Variants in PIP5K1C observed in about 807,000 individuals in gnomAD.
PIP5K1C encodes phosphatidylinositol-4-phosphate 5-kinase type 1 gamma, also known as phosphatidylinositol 4-phosphate 5-kinase type-1 gamma.
PIP5K1C carries 45 observed loss-of-function variants against 80.1 expected under a neutral mutation model. The ratio of observed to expected loss-of-function variants is 0.56; its 90% confidence interval spans 0.44 to 0.72. The LOEUF (loss-of-function observed/expected upper bound fraction) is 0.72. Among genes scored for constraint, PIP5K1C ranks in the 30% least tolerant of loss-of-function variants. The pLI, the probability that PIP5K1C is intolerant of heterozygous loss-of-function variation, is 0.00. For missense variants in PIP5K1C, 753 were observed against 954.6 expected (o/e 0.79, Z 2.78); for synonymous variants, 498 against 420.1 (o/e 1.19, Z -2.27).
At chr19:3,649,047 A>T (rs2034355724) in intron 8 of PIP5K1C, among the ~76,000 whole-genome samples, 1 of 147,648 alleles carries the variant, frequency 6.8e-6, no homozygotes, top group African/African-American at 2.6e-5. Context: ...TGGGGAGTTA[A>T]TTGTCACCCG....
rs551161049 is a variant in PIP5K1C at position 3,699,900 on chromosome 19, C to G, written c.94+397G>C. Among the ~76,000 whole-genome samples, 31 of 152,320 alleles carry G rather than the reference C, an allele frequency of 2.0e-4. 1 individual carries two copies. The South Asian group carries it at 6.4e-3, about 32-fold the overall frequency. ...GGAAGGTGAGGAAAGGTCGCGCACC[C>G]GGACTCAGGTCTGGGGACTTACAGA... On this transcript the variant is annotated intron_variant, in intron 1 of 17. Transcript: ENST00000335312.
intron 12 of PIP5K1C, among the ~76,000 whole-genome samples, 186 bp from the exon 13 acceptor site, chr19:3,643,567 C>G (rs1298991849): frequency 1.3e-5 from 2 of 152,112 alleles, no homozygotes; most frequent in Non-Finnish European, 2.9e-5. Flanking sequence ...CTTCTGACCG[C>G]TCTCAAAATA....
intron 5 of PIP5K1C, among the ~76,000 whole-genome samples, chr19:3,658,803 A>G (rs1030887254): frequency 1.3e-5 from 2 of 152,228 alleles, no homozygotes; most frequent in African/African-American, 4.8e-5. Context: ...CTGAAGCCAC[A>G]TGACTAATGG....
intron 2 of PIP5K1C, among the ~76,000 whole-genome samples, chr19:3,666,773 A>C (rs2035025995): frequency 6.6e-6 from 1 of 151,728 alleles, no homozygotes; most frequent in Non-Finnish European, 1.5e-5. Context: ...ACACGCACGC[A>C]GGCAAACATG....
chr19:3,638,372 C>T (rs1031600169), intron 16 of PIP5K1C, among the ~76,000 whole-genome samples: 3 of 152,172 alleles, frequency 2.0e-5, no homozygotes, highest in African/African-American at 7.2e-5. Context: ...TGAAGCCCTC[C>T]TGCCACTGCC....
Position 3,648,803 on chromosome 19 carries a change from C to T in PIP5K1C, c.1128-95G>A. 3.8e-6 allele frequency: 4 copies of T among 1,060,390 alleles called. No homozygotes were observed. The highest frequency in any genetic ancestry group is 5.8e-6 in the Non-Finnish European group (4 of 693,324). The allele number at this position is 1,060,390 out of a possible 1,614,324, so 65.7% of individuals were successfully genotyped here. On this transcript the variant is annotated intron_variant, in intron 8 of 17. Coordinates refer to ENST00000335312, the MANE Select transcript of PIP5K1C (RefSeq NM_012398.3). The surrounding 1 kb of genome is among the most constrained non-coding windows in gnomAD (Gnocchi z 4.3). ...ACTCCAGGGCTAGGGAGTCCATCTGCTCCTGTGGGTGGCAACTTGGCCAAG... is the reference window on the plus strand; with the variant it reads ...ACTCCAGGGCTAGGGAGTCCATCTGTTCCTGTGGGTGGCAACTTGGCCAAG...
At chr19:3,680,598 G>A (rs1311055161) in intron 1 of PIP5K1C, among the ~76,000 whole-genome samples, 6 of 152,190 alleles carry the variant, frequency 3.9e-5, no homozygotes, top group Non-Finnish European at 7.3e-5. Flanking sequence ...CACCGCGCCC[G>A]GACTGTCTAA....
chr19:3,663,338 T>G (rs2034901065), intron 3 of PIP5K1C, among the ~76,000 whole-genome samples: 2 of 151,756 alleles, frequency 1.3e-5, no homozygotes, highest in African/African-American at 4.8e-5. Context: ...GAGTTGGGAG[T>G]TGGTTTCTGC....
chr19:3,700,309 C>T lies in PIP5K1C; in HGVS notation c.82G>A (p.Gly28Arg), dbSNP rs759129068. ...PSEAAWAAESGAAAGLAQKKA... is the reference protein window; with the variant it reads ...PSEAAWAAESRAAAGLAQKKA... ...GCCGGGCCGTTACCTGCCGCCGCCCCGCTCTCTGCCGCCCACGCCGCCTCC... is the reference window on the plus strand; with the variant it reads ...GCCGGGCCGTTACCTGCCGCCGCCCTGCTCTCTGCCGCCCACGCCGCCTCC... The change falls in exon 1 of 18, where the codon GGG becomes AGG. Residue 28 changes from glycine to arginine, a missense_variant. Physicochemically the swap from Gly to Arg is moderately radical, Grantham distance 125. Around this residue, in one of 6 missense-constraint regions of PIP5K1C, gnomAD observed 78 missense variants for 67.1 expected, o/e 1.16. Transcript: ENST00000335312. The T allele has an allele frequency of 3.1e-5, 40 of 1,286,168 alleles. 1 individual carries two copies. The South Asian group carries it at 5.6e-4, about 18-fold the overall frequency. The allele number at this position is 1,286,168 out of a possible 1,614,324, so 79.7% of individuals were successfully genotyped here. A position where few individuals can be genotyped will look rare whatever the true frequency, so the allele number is the denominator to read the frequency against.
rs572343882 is a variant in PIP5K1C at position 3,662,794 on chromosome 19, G to T, written c.220-793C>A. On this transcript the variant is annotated intron_variant, in intron 3 of 17. Transcript: ENST00000335312. Reference sequence around the variant, plus strand: ...TTGGCCAGGCTGGTCTCGAACTCCTGACCTCAGCTAATCCACCTGCCTGGG... The same window carrying T: ...TTGGCCAGGCTGGTCTCGAACTCCTTACCTCAGCTAATCCACCTGCCTGGG... 2.6e-5 allele frequency among the ~76,000 whole-genome samples: 4 copies of T among 152,110 alleles called. No individual in the cohort carries two copies. In the East Asian group the frequency reaches 5.8e-4, roughly 22 times the overall value.
chr19:3,665,446 T>C (rs903077879), intron 2 of PIP5K1C, among the ~76,000 whole-genome samples: 2 of 150,862 alleles, frequency 1.3e-5, no homozygotes, highest in African/African-American at 4.9e-5. Flanking sequence ...CTCAGTAAAG[T>C]GGGTATTTTT....
intron 14 of PIP5K1C, among the ~76,000 whole-genome samples, chr19:3,642,685 A>G (rs966102040): frequency 6.6e-6 from 1 of 152,186 alleles, no homozygotes; most frequent in South Asian, 2.1e-4. Context: ...AGAAGAAGAA[A>G]TAAGGAAGGA....
intron 7 of PIP5K1C, among the ~76,000 whole-genome samples, chr19:3,652,596 G>A (rs1025258236): frequency 3.9e-5 from 6 of 152,026 alleles, no homozygotes; most frequent in African/African-American, 1.5e-4. Flanking sequence ...TCCATGCCTC[G>A]AAGCTGCCGG....
At chr19:3,647,664 C>T (rs1370562535) in intron 9 of PIP5K1C, among the ~76,000 whole-genome samples, 1 of 152,192 alleles carries the variant, frequency 6.6e-6, no homozygotes, top group Non-Finnish European at 1.5e-5. Context: ...TCTAGAGCCC[C>T]AGCTGAGCAC....
At chr19:3,645,734 C>A (rs766824027) in intron 11 of PIP5K1C, among the ~76,000 whole-genome samples, 2 of 152,246 alleles carry the variant, frequency 1.3e-5, no homozygotes, top group Non-Finnish European at 2.9e-5. Context: ...ATGGGCAGGA[C>A]GAGGCCAGGC....
In PIP5K1C at chr19:3,653,604, G is replaced by A; in HGVS notation, c.622-15C>T. The A allele has an allele frequency of 6.2e-7, 1 of 1,601,504 alleles. No individual in the cohort carries two copies. Among genetic ancestry groups the A allele is most frequent in the South Asian group, 1.1e-5 (1 of 90,584 alleles). On this transcript the variant is annotated splice_polypyrimidine_tract_variant and intron_variant, in intron 6 of 17. Transcript: ENST00000335312. ...TGGTTGAGGTTCTGCCGGGGGAAGA[G>A]GGCAAGTCGTGGAGGGCGGCTGGGC... is the stretch of plus-strand genomic sequence containing the variant.
At chr19:3,665,849 G>A (rs994423766) in intron 2 of PIP5K1C, among the ~76,000 whole-genome samples, 16 of 152,210 alleles carry the variant, frequency 1.1e-4, no homozygotes, top group South Asian at 2.1e-4. Flanking sequence ...GCCTGGCACC[G>A]TCATTTAAGG....
intron 1 of PIP5K1C, among the ~76,000 whole-genome samples, chr19:3,670,128 C>T (rs1374975754): frequency 2.0e-5 from 3 of 151,052 alleles, no homozygotes; most frequent in Admixed American, 1.3e-4. Flanking sequence ...GGTCAGGAGC[C>T]TCTGCAGGCG....
chr19:3,656,551 G>A lies in PIP5K1C; in HGVS notation c.475C>T (p.Leu159=), dbSNP rs1226617349. The part of the protein sequence containing the change: ...GIRPDDYLYS[L]CNEPLIELSN... ...AGCTCGATCAGCGGCTCATTGCACA[G>A]GGAGTACTGGAAGCAGAGGAGGCGG... Residue 159 remains leucine, a synonymous_variant, in exon 6 of 18, where the codon CTG becomes TTG. Transcript: ENST00000335312. 1.1e-5 allele frequency: 18 copies of A among 1,613,512 alleles called. No individual in the cohort carries two copies. The Admixed American group carries it at 2.8e-4, about 25-fold the overall frequency.
Sources: allele counts gnomAD v4.1 joint callset (sites outside exome capture counted in the v4.1 genomes callset), GRCh38; gene constraint gnomAD v4.1.1; regional missense constraint gnomAD v4.1.1; non-coding constraint Gnocchi (gnomAD v3.1); transcripts MANE v1.5; gene names NCBI Gene and HGNC (gene_info 2026-07-23, HGNC 2026-07-21).